SLC9B1: variants seen among roughly 807,000 people sequenced by gnomAD.
SLC9B1 encodes sodium/hydrogen exchanger 9B1.
A neutral mutation model predicts 51.7 loss-of-function variants in SLC9B1; 32 were observed. That is an observed-to-expected ratio of 0.62 (90% CI 0.47 to 0.83). The LOEUF (loss-of-function observed/expected upper bound fraction) is 0.83, where lower values mean the gene tolerates loss of function less well. Ranked by LOEUF, SLC9B1 falls within the 40% of genes least tolerant of loss-of-function variation. The pLI is 0.00. For synonymous variants in SLC9B1, 145 were observed against 212.7 expected (o/e 0.68, Z 2.77); for missense variants, 406 against 613.2 (o/e 0.66, Z 3.57).
intron 3 of SLC9B1, among the ~76,000 whole-genome samples, chr4:102,964,130 AC>A: frequency 6.6e-6 from 1 of 151,978 alleles, no homozygotes; most frequent in Non-Finnish European, 1.5e-5. Flanking sequence ...ATCATCACAG[AC>A]CCTACCCTTA....
intron 7 of SLC9B1, among the ~76,000 whole-genome samples, chr4:102,930,431 A>AT (rs1007364766): frequency 6.6e-6 from 1 of 152,032 alleles, no homozygotes; most frequent in African/African-American, 2.4e-5. Context: ...TTAAAAAAAA[A>AT]TTTTTTTTGA....
chr4:102,986,194 T>C (rs1335955939), intron 3 of SLC9B1, among the ~76,000 whole-genome samples: 1 of 152,022 alleles, frequency 6.6e-6, no homozygotes, highest in East Asian at 1.9e-4. Flanking sequence ...TGAAAGTCTT[T>C]GTTTCTCCTT....
In SLC9B1 at chr4:102,926,612, T is replaced by G. The variant is rs1329405407; in HGVS notation, c.829+5512A>C. 6.6e-5 allele frequency among the ~76,000 whole-genome samples: 10 copies of G among 151,918 alleles called. No homozygotes were observed. In the East Asian group the frequency reaches 1.5e-3, roughly 23 times the overall value. On this transcript the variant is annotated intron_variant, in intron 7 of 11. Transcript: ENST00000296422. ...GAAATAAAAGAGGACACAAACAAAT[T>G]GAAGAATATTCCATGCTCATGGATA... is the stretch of plus-strand genomic sequence containing the variant.
At chr4:102,894,475 G>A (rs1734438977) in intron 11 of SLC9B1, among the ~76,000 whole-genome samples, 1 of 152,062 alleles carries the variant, frequency 6.6e-6, no homozygotes, top group African/African-American at 2.4e-5. Context: ...ATATTTTAAA[G>A]AGGAATATTG....
intron 11 of SLC9B1, among the ~76,000 whole-genome samples, chr4:102,894,842 C>T (rs1734459476): frequency 6.6e-6 from 1 of 152,006 alleles, no homozygotes; most frequent in Non-Finnish European, 1.5e-5. Context: ...GAACCAGGTA[C>T]TTGGGAGGCT....
At chr4:102,891,097 C>T (rs1485854744) in intron 11 of SLC9B1, 1 of 151,180 alleles carries the variant, frequency 6.6e-6, no homozygotes, top group South Asian at 2.1e-4. Flanking sequence ...ATTACATCTA[C>T]TTTATTAACA....
intron 6 of SLC9B1, among the ~76,000 whole-genome samples, chr4:102,942,576 A>G (rs1450854733): frequency 1.3e-5 from 2 of 152,200 alleles, no homozygotes; most frequent in African/African-American, 4.8e-5. Context: ...TAAAGTTGGG[A>G]AAGGACACCC....
chr4:102,968,668 C>T (rs1384947489), intron 3 of SLC9B1, among the ~76,000 whole-genome samples: 2 of 152,192 alleles, frequency 1.3e-5, no homozygotes, highest in East Asian at 3.9e-4. Flanking sequence ...GTTCATCTCA[C>T]TGGGACTGGT....
chr4:103,010,087 C>T (rs915841944), intron 1 of SLC9B1, among the ~76,000 whole-genome samples: 2 of 152,148 alleles, frequency 1.3e-5, no homozygotes, highest in African/African-American at 4.8e-5. Context: ...AAACCGTTTT[C>T]GGGTGCCTAG....
At chr4:102,993,842 G>C (rs1470463402) in intron 1 of SLC9B1, among the ~76,000 whole-genome samples, 1 of 152,150 alleles carries the variant, frequency 6.6e-6, no homozygotes, top group Non-Finnish European at 1.5e-5. Context: ...CCAAGCCTTG[G>C]GGCTTGCACC....
intron 3 of SLC9B1, among the ~76,000 whole-genome samples, chr4:102,980,173 A>G (rs949972188): frequency 2.0e-4 from 31 of 152,314 alleles, no homozygotes; most frequent in African/African-American, 6.7e-4. Context: ...CAACCATTGT[A>G]GAAGACAGTG....
chr4:102,891,274 G>A (rs528226646), intron 11 of SLC9B1: 2 of 152,236 alleles, frequency 1.3e-5, no homozygotes, highest in Non-Finnish European at 2.9e-5. Context: ...AACAAGTTTG[G>A]TTATCTGATT....
intron 7 of SLC9B1, chr4:102,912,138 GA>G (rs56920618): frequency 0.041 from 5,827 of 143,826 alleles, 310 homozygotes; most frequent in African/African-American, 0.12. Flanking sequence ...ACCTCCAAAA[GA>G]AAAAAAAAAA....
intron 7 of SLC9B1, among the ~76,000 whole-genome samples, chr4:102,926,905 T>C (rs1036390393): frequency 2.6e-5 from 4 of 152,120 alleles, no homozygotes. Flanking sequence ...AACAGATATA[T>C]AGACCAATGG....
At chr4:103,001,778 T>A (rs1280626312) in intron 1 of SLC9B1, among the ~76,000 whole-genome samples, 3 of 152,238 alleles carry the variant, frequency 2.0e-5, no homozygotes, top group Admixed American at 6.5e-5. Context: ...TTTTCAAGTA[T>A]CTTTATAGCA....
intron 3 of SLC9B1, among the ~76,000 whole-genome samples, chr4:102,955,843 GAGAAAGAAAGAAAGAAAGAA>G (rs56088004): frequency 3.2e-4 from 34 of 106,848 alleles, no homozygotes; most frequent in African/African-American, 1.1e-3. Context: ...GAAAGAGAGA[GAGAAAGAAAGAAAGAAAGAA>G]AGAAAGAAAG....
intron 7 of SLC9B1, among the ~76,000 whole-genome samples, chr4:102,923,151 C>T (rs1003137947): frequency 1.3e-5 from 2 of 152,224 alleles, no homozygotes; most frequent in South Asian, 2.1e-4. Context: ...AACATTGATA[C>T]AAAAATCCTC....
At chr4:102,965,455 C>A (rs1290812442) in intron 3 of SLC9B1, among the ~76,000 whole-genome samples, 1 of 152,148 alleles carries the variant, frequency 6.6e-6, no homozygotes, top group South Asian at 2.1e-4. Context: ...CCACAGGAAC[C>A]AATCCAGTTT....
chr4:102,972,290 C>G (rs1738806414), intron 3 of SLC9B1, among the ~76,000 whole-genome samples: 1 of 152,194 alleles, frequency 6.6e-6, no homozygotes, highest in Admixed American at 6.5e-5. Context: ...AGCTTAACCA[C>G]CACTATCAAG....
Sources: allele counts gnomAD v4.1 joint callset (sites outside exome capture counted in the v4.1 genomes callset), GRCh38; gene constraint gnomAD v4.1.1; transcripts MANE v1.5; gene names NCBI Gene and HGNC (gene_info 2026-07-23, HGNC 2026-07-21).